The following PLXNC1 variants were observed in gnomAD, a reference collection of about 807,000 sequenced individuals.
The protein encoded by PLXNC1 is plexin-C1.
PLXNC1 carries 75 observed loss-of-function variants against 178.2 expected under a neutral mutation model. The ratio of observed to expected loss-of-function variants is 0.42; its 90% confidence interval spans 0.35 to 0.51. The LOEUF (loss-of-function observed/expected upper bound fraction) is 0.51, where lower values mean the gene tolerates loss of function less well. PLXNC1 is among the 20% of genes least tolerant of loss of function. PLXNC1 has a pLI of 0.02. For synonymous variants in PLXNC1, 790 were observed against 779.9 expected, an observed-to-expected ratio of 1.01 and a Z score of -0.22; for missense variants, 1,503 against 1,984.4, an observed-to-expected ratio of 0.76 and a Z score of 4.61.
At chr12:94,208,459 A>G (rs1311871308) in intron 4 of PLXNC1, among the ~76,000 whole-genome samples, 2 of 152,192 alleles carry the variant, frequency 1.3e-5, no homozygotes, top group Non-Finnish European at 2.9e-5. Context: ...GAAAGGAGAA[A>G]AAATAAAACC....
At chr12:94,251,743 C>A (rs1225171176) in intron 15 of PLXNC1, among the ~76,000 whole-genome samples, 1 of 152,232 alleles carries the variant, frequency 6.6e-6, no homozygotes, top group African/African-American at 2.4e-5. Context: ...ATAATCCCAG[C>A]ACTTTGGGAC....
At chr12:94,177,840 GT>G (rs1962160011) in intron 2 of PLXNC1, among the ~76,000 whole-genome samples, 1 of 152,156 alleles carries the variant, frequency 6.6e-6, no homozygotes, top group African/African-American at 2.4e-5. Context: ...TGTAAAGTAT[GT>G]TTTTACTTTG....
chr12:94,265,291 G>A, intron 21 of PLXNC1, 66 bp downstream of exon 21: 2 of 1,449,114 alleles, frequency 1.4e-6, no homozygotes, highest in Non-Finnish European at 1.9e-6. Flanking sequence ...AGAGGGTGAG[G>A]TGGGTCATTT....
At chr12:94,255,415 A>C in intron 17 of PLXNC1, 119 bp downstream of exon 17, 1 of 720,700 alleles carries the variant, frequency 1.4e-6, no homozygotes, top group South Asian at 1.5e-5. Flanking sequence ...TGGTACAAAA[A>C]TAATGGCTTA....
At chr12:94,212,707 C>CT (rs1473728524) in intron 5 of PLXNC1, among the ~76,000 whole-genome samples, 1 of 143,834 alleles carries the variant, frequency 7.0e-6, no homozygotes, top group East Asian at 2.0e-4. Context: ...GCCACATTTT[C>CT]TTTTCTTTTC....
intron 2 of PLXNC1, among the ~76,000 whole-genome samples, chr12:94,172,971 G>A (rs745745595): frequency 5.9e-5 from 9 of 152,060 alleles, no homozygotes; most frequent in Non-Finnish European, 1.3e-4. Flanking sequence ...AGCTCAAAGG[G>A]TCCTTTGAGA....
intron 9 of PLXNC1, among the ~76,000 whole-genome samples, chr12:94,233,442 A>G (rs1964163490): frequency 6.6e-6 from 1 of 152,226 alleles, no homozygotes; most frequent in Non-Finnish European, 1.5e-5. Flanking sequence ...AGAAGGCTCA[A>G]ATGCCAAGAG....
chr12:94,304,807 CTG>C (rs1011568109), intron 30 of PLXNC1, among the ~76,000 whole-genome samples: 1 of 152,194 alleles, frequency 6.6e-6, no homozygotes, highest in African/African-American at 2.4e-5. Context: ...AGGGAAGGAT[CTG>C]TCTCTGACCA....
intron 10 of PLXNC1, 106 bp downstream of exon 10, chr12:94,237,909 G>A (rs1964285378): frequency 8.6e-7 from 1 of 1,160,674 alleles, no homozygotes; most frequent in Non-Finnish European, 1.2e-6. Flanking sequence ...TTATTGCCAT[G>A]CCCCAAAGCA....
At chr12:94,177,976 TA>T (rs1486466047) in intron 2 of PLXNC1, among the ~76,000 whole-genome samples, 1 of 152,238 alleles carries the variant, frequency 6.6e-6, no homozygotes, top group Non-Finnish European at 1.5e-5. Flanking sequence ...TCACAGCTAA[TA>T]AAATTATCAG....
intron 6 of PLXNC1, among the ~76,000 whole-genome samples, chr12:94,221,201 C>T (rs10777586): frequency 0.44 from 67,611 of 152,096 alleles, 16,647 homozygotes; most frequent in East Asian, 0.61. Context: ...GTGCTTAGAA[C>T]AGTATCTGGC....
intron 5 of PLXNC1, among the ~76,000 whole-genome samples, chr12:94,216,947 G>C (rs763080606): frequency 2.6e-5 from 4 of 152,098 alleles, no homozygotes; most frequent in African/African-American, 4.8e-5. Context: ...GGTTTCTTAG[G>C]ACGAAGCTTC....
At chr12:94,259,559 A>T in intron 18 of PLXNC1, 51 bp from the exon 19 acceptor site, 1 of 1,369,938 alleles carries the variant, frequency 7.3e-7, no homozygotes, top group Non-Finnish European at 9.8e-7. Flanking sequence ...TTCTAACTTT[A>T]AACTTATATA....
intron 17 of PLXNC1, among the ~76,000 whole-genome samples, chr12:94,258,544 C>T (rs945332750): frequency 2.0e-5 from 3 of 152,066 alleles, no homozygotes; most frequent in African/African-American, 7.2e-5. Context: ...TAAAGTTTAA[C>T]CATTGATTTT....
rs370667506 is a variant in PLXNC1, at chr12:94,173,657, G to T, written c.1203+4364G>T. Among the ~76,000 whole-genome samples, 19 of 152,314 alleles carry T rather than the reference G, an allele frequency of 1.2e-4. No individual in the cohort carries two copies. In the South Asian group the frequency reaches 3.9e-3, roughly 32 times the overall value. ...ACCAAAATAATCTGTCCCAGAGCCC[G>T]AGCTTCTATCCCCCAACTAAACTGC... On this transcript the variant is annotated intron_variant, in intron 2 of 30. Coordinates refer to ENST00000258526, the MANE Select transcript of PLXNC1 (RefSeq NM_005761.3).
At chr12:94,153,319 G>A (rs1961028334) in intron 1 of PLXNC1, among the ~76,000 whole-genome samples, 1 of 152,244 alleles carries the variant, frequency 6.6e-6, no homozygotes, top group South Asian at 2.1e-4. Flanking sequence ...CCCCTAGGAT[G>A]TGGGGTTGAG....
chr12:94,295,530 G>A lies in PLXNC1; in HGVS notation c.3934+990G>A, dbSNP rs190294476. ...TTTGGATCTCTTCGTGGGCCCTCCA[G>A]TCAGTCAACACTGCTGCTAGTTTCC... On this transcript the variant is annotated intron_variant, in intron 24 of 30. Coordinates refer to ENST00000258526, the MANE Select transcript of PLXNC1 (RefSeq NM_005761.3). Among the ~76,000 whole-genome samples, 552 of 152,232 alleles carry A rather than the reference G, an allele frequency of 3.6e-3. 5 individuals carry two copies. The highest frequency in any genetic ancestry group is 0.012 in the African/African-American group (515 of 41,526).
intron 12 of PLXNC1, among the ~76,000 whole-genome samples, chr12:94,244,559 G>A (rs1294994327): frequency 1.3e-5 from 2 of 152,190 alleles, no homozygotes; most frequent in Non-Finnish European, 1.5e-5. Flanking sequence ...AATGGTAGGA[G>A]GGGTCTGGTT....
chr12:94,246,317 A>G (rs1056560735), intron 12 of PLXNC1, among the ~76,000 whole-genome samples: 1 of 152,234 alleles, frequency 6.6e-6, no homozygotes, highest in Non-Finnish European at 1.5e-5. Flanking sequence ...CTGGGCTGAC[A>G]GTAGCTCCCT....
Sources: gnomAD v4.1 joint callset for allele counts (sites outside exome capture counted in the v4.1 genomes callset) on GRCh38, gnomAD v4.1.1 for gene constraint, MANE v1.5 for transcripts, NCBI Gene and HGNC (gene_info 2026-07-23, HGNC 2026-07-21) for gene names.